NCOR2: variants seen among roughly 807,000 people sequenced by gnomAD.
The protein encoded by NCOR2 is CTG repeat protein 26.
Under a neutral mutation model 262.9 loss-of-function variants are expected in NCOR2, and 81 were observed. That is an observed-to-expected ratio of 0.31 (90% CI 0.26 to 0.37). The LOEUF (loss-of-function observed/expected upper bound fraction) is 0.37. NCOR2 is among the 10% of genes least tolerant of loss of function. The pLI is 1.00. For synonymous variants in NCOR2, 1,659 were observed against 1,559.3 expected (o/e 1.06, Z -1.51); for missense variants, 3,385 against 3,621.4 (o/e 0.93, Z 1.68).
At chr12:124,347,300 G>A (rs867433578) in intron 30 of NCOR2, 5 of 172,108 alleles carry the variant, frequency 2.9e-5, no homozygotes, top group Middle Eastern at 2.6e-3. Context: ...CCTGAAAGGC[G>A]GAGGCTGCAG....
At chr12:124,358,539 C>G (rs1261613181) in intron 22 of NCOR2, among the ~76,000 whole-genome samples, 1 of 152,156 alleles carries the variant, frequency 6.6e-6, no homozygotes, top group Non-Finnish European at 1.5e-5. Context: ...GCACTGTGCT[C>G]AGCATCCCAC....
chr12:124,452,914 C>T (rs991537067), intron 6 of NCOR2, among the ~76,000 whole-genome samples: 1 of 152,164 alleles, frequency 6.6e-6, no homozygotes, highest in African/African-American at 2.4e-5. Flanking sequence ...GGCCTCTAAA[C>T]AGGAACTGCC....
At position 124,457,630 on chromosome 12, in the gene NCOR2, C is replaced by T. The variant is rs751341581; in HGVS notation, c.706-468G>A. Among the ~76,000 whole-genome samples the T allele has an allele frequency of 3.3e-5, 5 of 152,110 alleles. No individual in the cohort carries two copies. Among genetic ancestry groups the T allele is most frequent in the Non-Finnish European group, 7.4e-5 (5 of 67,974 alleles). On this transcript the variant is annotated intron_variant, in intron 5 of 46. Coordinates refer to ENST00000405201, the Ensembl canonical transcript of NCOR2. This position sits in a 1 kb window ranked among gnomAD's most constrained non-coding sequence, Gnocchi z 4.0. ...GGAGGGAGGGTGAGATAGAGGCGCT[C>T]GGAGATACCCTTTCTAGGATTCTTG...
chr12:124,329,472 A>G (rs893715329), intron 44 of NCOR2, among the ~76,000 whole-genome samples: 4 of 150,436 alleles, frequency 2.7e-5, no homozygotes, highest in East Asian at 3.9e-4. Flanking sequence ...CAAACAGACA[A>G]ACAAACAAAC....
At chr12:124,375,654 C>G (rs1236745252) in intron 18 of NCOR2, among the ~76,000 whole-genome samples, 2 of 152,186 alleles carry the variant, frequency 1.3e-5, no homozygotes, top group African/African-American at 2.4e-5. Context: ...CCTGGAGGTC[C>G]CCAGTACCGG....
chr12:124,449,723 A>G (rs1174979970), intron 7 of NCOR2, 92 bp downstream of exon 9: 2 of 1,458,152 alleles, frequency 1.4e-6, no homozygotes, highest in Non-Finnish European at 1.9e-6. Flanking sequence ...ATGGGAACAG[A>G]GAGCCCACGT....
intron 44 of NCOR2, among the ~76,000 whole-genome samples, chr12:124,328,018 G>GT (rs370242486): frequency 0.017 from 2,578 of 149,162 alleles, 84 homozygotes; most frequent in South Asian, 0.12. Context: ...TGTTTTGTTT[G>GT]TTTTTTTTTT....
At chr12:124,337,402 A>G in intron 37 of NCOR2, 1 of 708,300 alleles carries the variant, frequency 1.4e-6, no homozygotes, top group South Asian at 1.5e-5. Context: ...CTTCTGATTA[A>G]GCAGCTACTA....
Position 124,548,194 on chromosome 12 carries a change from G to T in NCOR2, c.-164-12583C>A, listed in dbSNP as rs1455856208. ...TGAGCTGGGACCTGAATGGCAGCAA[G>T]GAGCCAGCTGTGTCAATATGCAGGG... On this transcript the variant is annotated intron_variant, in intron 1 of 32. Coordinates refer to the NCOR2 transcript ENST00000458234. The surrounding 1 kb of genome is among the most constrained non-coding windows in gnomAD (Gnocchi z 5.1). Among the ~76,000 whole-genome samples, 1 of 152,184 alleles carries T rather than the reference G, an allele frequency of 6.6e-6. No individual in the cohort carries two copies. Among genetic ancestry groups the T allele is most frequent in the African/African-American group, 2.4e-5 (1 of 41,460 alleles).
Position 124,393,450 on chromosome 12 carries a change from C to A in NCOR2, c.1876+4669G>T, listed in dbSNP as rs13328955. ...ATGTCCCCAGCCCCTCCCCAGTGGC[C>A]TCCCACGCTCTAGAGTAATAGCTAC... On this transcript the variant is annotated intron_variant, in intron 16 of 46. Coordinates refer to ENST00000405201, the Ensembl canonical transcript of NCOR2. 7.8e-3 allele frequency among the ~76,000 whole-genome samples: 1,190 copies of A among 152,366 alleles called. 16 individuals carry two copies. The highest frequency in any genetic ancestry group is 0.028 in the African/African-American group (1,145 of 41,592).
At chr12:124,460,976 G>C (rs969208758) in intron 5 of NCOR2, among the ~76,000 whole-genome samples, 3 of 152,242 alleles carry the variant, frequency 2.0e-5, no homozygotes, top group African/African-American at 7.2e-5. Context: ...CCAGCTTGCA[G>C]GGGACGCCAG....
In NCOR2 at chr12:124,440,483, T is replaced by A. The variant is rs2044744391; in HGVS notation, c.816-2487A>T. Among the ~76,000 whole-genome samples the A allele has an allele frequency of 6.6e-6, 1 of 152,198 alleles. No homozygotes were observed. The highest frequency in any genetic ancestry group is 2.1e-4 in the South Asian group (1 of 4,834). On this transcript the variant is annotated intron_variant, in intron 7 of 46. Coordinates refer to ENST00000405201, the Ensembl canonical transcript of NCOR2. The surrounding 1 kb of genome is among the most constrained non-coding windows in gnomAD (Gnocchi z 5.7). ...TCCCACAGGCTAGGACCAGCACCCT[T>A]CATCTCATAACAGGGTGTCTCTGAG...
At chr12:124,502,399 T>C (rs1305410342) in intron 1 of NCOR2, among the ~76,000 whole-genome samples, 2 of 152,164 alleles carry the variant, frequency 1.3e-5, no homozygotes, top group Non-Finnish European at 2.9e-5. Context: ...TGGCAGAAGG[T>C]GTTAGCACGA....
In NCOR2 at chr12:124,354,503, T is replaced by C. The variant is rs755928166; in HGVS notation, c.3564A>G (p.Thr1188=). The change falls in exon 26 of 47, where the codon ACA becomes ACG. Residue 1188 remains threonine (T), a synonymous_variant. Transcript: ENST00000405201. The stretch of plus-strand genomic sequence containing the variant: ...CTCTCAGCACGGACGCCTCCTGGGC[T>C]GTGGGCACCCCCAGGCTCTCCGGTG... 8.2e-6 allele frequency: 13 copies of C among 1,586,370 alleles called. No homozygotes were observed. The South Asian group carries it at 1.5e-4, about 18-fold the overall frequency.
At chr12:124,333,955 T>C (rs907886585) in intron 41 of NCOR2, among the ~76,000 whole-genome samples, 4 of 120,000 alleles carry the variant, frequency 3.3e-5, no homozygotes, top group South Asian at 4.0e-4. Flanking sequence ...GGTGTGCACG[T>C]GTGTGTGTGC....
At chr12:124,558,272 C>CG (rs958096062) in intron 1 of NCOR2, among the ~76,000 whole-genome samples, 22 of 151,330 alleles carry the variant, frequency 1.5e-4, no homozygotes, top group Non-Finnish European at 2.7e-4. Flanking sequence ...ACCCACCCCC[C>CG]CTCCAGACCT....
At chr12:124,393,261 C>G (rs1023920212) in intron 16 of NCOR2, among the ~76,000 whole-genome samples, 3 of 152,168 alleles carry the variant, frequency 2.0e-5, no homozygotes, top group Non-Finnish European at 1.5e-5. Flanking sequence ...GCGCTGGGCC[C>G]GAGGGCAGGC....
At chr12:124,335,203 G>C in exon 40 of NCOR2, 1 of 1,611,114 alleles carries the variant, frequency 6.2e-7, no homozygotes, top group African/African-American at 1.3e-5. Context: ...TGGAGCAGCG[G>C]GCTGGACGAG....
chr12:124,341,914 C>T (rs780531860), exon 34 of NCOR2: 5 of 1,612,862 alleles, frequency 3.1e-6, no homozygotes, highest in Admixed American at 1.7e-5. Flanking sequence ...TGGCGGTGGC[C>T]GCGTTGTGGT....
Sources: gnomAD v4.1 joint callset for allele counts (sites outside exome capture counted in the v4.1 genomes callset) on GRCh38, gnomAD v4.1.1 for gene constraint, Gnocchi (gnomAD v3.1) non-coding constraint, MANE v1.5 for transcripts, NCBI Gene and HGNC (gene_info 2026-07-23, HGNC 2026-07-21) for gene names.